Variants in EPYC observed in about 807,000 individuals in gnomAD.
EPYC encodes epiphycan.
Under a neutral mutation model 30.1 loss-of-function variants are expected in EPYC, and 28 were observed. That is an observed-to-expected ratio of 0.93 (90% CI 0.69 to 1.28). The LOEUF is 1.28. Among genes scored for constraint, EPYC ranks in the 50% most tolerant of loss-of-function variants. The pLI is 0.00. For synonymous variants in EPYC, 144 were observed against 141.4 expected (o/e 1.02, Z -0.13); for missense variants, 382 against 383.5 (o/e 1.00, Z 0.03).
At chr12:90,989,702 T>C (rs1417802866) in intron 2 of EPYC, among the ~76,000 whole-genome samples, 1 of 152,072 alleles carries the variant, frequency 6.6e-6, no homozygotes, top group African/African-American at 2.4e-5. Context: ...TAGTATTTTT[T>C]CTTTGCTCAC....
At position 90,972,972 on chromosome 12, in the gene EPYC, T is replaced by C. The variant is rs1164005107; in HGVS notation, c.349A>G (p.Thr117Ala). ...LGPHTNEDFP[T>A]CLLCTCISTT... ...CTTATACAAGTACACAAAAGACAGG[T>C]TGGAAAGTCTAAAAGATAAAGGAAA... The change falls in exon 4 of 7, where the codon ACC becomes GCC. Residue 117 changes from threonine to alanine, a missense_variant. Physicochemically the swap from Thr to Ala is moderately conservative, Grantham distance 58. Coordinates refer to ENST00000261172, the MANE Select transcript of EPYC (RefSeq NM_004950.5). The C allele has an allele frequency of 1.3e-6, 2 of 1,581,400 alleles. No individual in the cohort carries two copies. The highest frequency in any genetic ancestry group is 1.7e-6 in the Non-Finnish European group (2 of 1,162,590).
chr12:90,982,606 A>G (rs1461842437), intron 2 of EPYC, among the ~76,000 whole-genome samples: 1 of 151,974 alleles, frequency 6.6e-6, no homozygotes, highest in Non-Finnish European at 1.5e-5. Context: ...TTTAACTGTA[A>G]TTATGTATCT....
At chr12:90,968,073 T>A (rs1876945197) in intron 6 of EPYC, among the ~76,000 whole-genome samples, 1 of 152,166 alleles carries the variant, frequency 6.6e-6, no homozygotes, top group African/African-American at 2.4e-5. Flanking sequence ...TTGCCTCATG[T>A]ATTTTGGGCC....
At chr12:90,970,618 T>C (rs1288476597) in intron 5 of EPYC, among the ~76,000 whole-genome samples, 1 of 152,218 alleles carries the variant, frequency 6.6e-6, no homozygotes, top group Non-Finnish European at 1.5e-5. Flanking sequence ...AGACAATAGC[T>C]GTTCTACTCT....
Position 90,991,139 on chromosome 12 carries a change from T to C in EPYC, c.165+11262A>G, listed in dbSNP as rs200287595. Among the ~76,000 whole-genome samples the C allele has an allele frequency of 2.8e-4, 43 of 152,244 alleles. 1 individual carries two copies. The East Asian group carries it at 6.2e-3, about 22-fold the overall frequency. ...TTCTCAAACGTGCCAAGGAATGGAGTATATAATATATATTTGCATACATGC... is the reference window on the plus strand; with the variant it reads ...TTCTCAAACGTGCCAAGGAATGGAGCATATAATATATATTTGCATACATGC... On this transcript the variant is annotated intron_variant, in intron 2 of 6. Transcript: ENST00000261172.
rs909594138 is a variant in EPYC at position 90,964,236 on chromosome 12, C to T, written c.889G>A (p.Asp297Asn). The change falls in exon 7 of 7, where the codon GAT becomes AAT. Residue 297 changes from aspartate to asparagine, a missense_variant. Coordinates refer to ENST00000261172, the MANE Select transcript of EPYC (RefSeq NM_004950.5). ...TTGCTGAGATTAATAGGGTTTCCAT[C>T]CAATCGAATGTCCTCTAGTGCCTTA... Reference protein sequence around the residue: ...IRKALEDIRLDGNPINLSKTP... With the variant: ...IRKALEDIRLNGNPINLSKTP... 17 of 1,613,524 alleles carry T rather than the reference C, an allele frequency of 1.1e-5. No individual in the cohort carries two copies.
At chr12:90,995,625 G>A (rs1225584639) in intron 2 of EPYC, among the ~76,000 whole-genome samples, 2 of 151,718 alleles carry the variant, frequency 1.3e-5, no homozygotes, top group South Asian at 2.1e-4. Flanking sequence ...TCCAGGGTTA[G>A]TTATTTGAGT....
Position 90,964,070 on chromosome 12 carries a change from A to G in EPYC, c.*86T>C, listed in dbSNP as rs1424928839. 6.6e-6 allele frequency: 7 copies of G among 1,059,846 alleles called. No individual in the cohort carries two copies. The highest frequency in any genetic ancestry group is 9.6e-6 in the Non-Finnish European group (7 of 730,406). 65.7% of individuals were successfully genotyped at this position (1,059,846 alleles called of 1,614,324 possible). Reference sequence around the variant, plus strand: ...ATCATCTCTCAGAACACAATCTCAAAGTATCATGCTGAGTTTTGTTTTGGA... The same window carrying G: ...ATCATCTCTCAGAACACAATCTCAAGGTATCATGCTGAGTTTTGTTTTGGA... On this transcript the variant is annotated 3_prime_UTR_variant, in exon 7 of 7. Coordinates refer to ENST00000261172, the MANE Select transcript of EPYC (RefSeq NM_004950.5).
Position 91,002,571 on chromosome 12 carries a change from A to G in EPYC, c.-6T>C. ...AGTCCTGCTAATGTCTTCATTTTTC[A>G]AGCTTTCCTAATTATAAAATATTAA... On this transcript the variant is annotated 5_prime_UTR_variant, in exon 2 of 7. Transcript: ENST00000261172. 1 of 1,597,636 alleles carries G rather than the reference A, an allele frequency of 6.3e-7. No individual in the cohort carries two copies. Among genetic ancestry groups the G allele is most frequent in the South Asian group, 1.2e-5 (1 of 86,678 alleles).
intron 2 of EPYC, among the ~76,000 whole-genome samples, chr12:90,999,381 G>T (rs1877769698): frequency 6.6e-6 from 1 of 151,970 alleles, no homozygotes; most frequent in South Asian, 2.1e-4. Context: ...ATATGTTAAA[G>T]GCATTGTTCA....
chr12:90,980,829 C>T (rs1353618257), intron 2 of EPYC, among the ~76,000 whole-genome samples: 1 of 152,122 alleles, frequency 6.6e-6, no homozygotes, highest in Non-Finnish European at 1.5e-5. Flanking sequence ...TTTACTCTGA[C>T]TTGCTTCTTC....
rs183278446 is a variant in EPYC, at chr12:90,991,318, G to A, written c.165+11083C>T. Among the ~76,000 whole-genome samples, 448 of 152,238 alleles carry A rather than the reference G, an allele frequency of 2.9e-3. 3 individuals carry two copies. Among genetic ancestry groups the A allele is most frequent in the African/African-American group, 8.7e-3 (361 of 41,556 alleles). Reference sequence around the variant, plus strand: ...TGCCCTAGGAGTGAGAATGAGAAACGTGGAATTAGGGAAGATCCAATGAAA... The same window carrying A: ...TGCCCTAGGAGTGAGAATGAGAAACATGGAATTAGGGAAGATCCAATGAAA... On this transcript the variant is annotated intron_variant, in intron 2 of 6. Transcript: ENST00000261172.
At chr12:91,001,311 A>G (rs147891538) in intron 2 of EPYC, among the ~76,000 whole-genome samples, 139 of 152,230 alleles carry the variant, frequency 9.1e-4, no homozygotes, top group African/African-American at 3.1e-3. Flanking sequence ...TCATCTAAAT[A>G]TTTTCTATCC....
chr12:90,976,837 G>C (rs143717696), intron 3 of EPYC, among the ~76,000 whole-genome samples: 2 of 152,196 alleles, frequency 1.3e-5, no homozygotes, highest in East Asian at 3.9e-4. Context: ...AGTCTCATGA[G>C]ATCTGATGGT....
At position 90,971,886 on chromosome 12, in the gene EPYC, G is replaced by C. The variant is rs1331771577; in HGVS notation, c.616C>G (p.Leu206Val). 6.2e-7 allele frequency: 1 copy of C among 1,612,016 alleles called. No individual in the cohort carries two copies. Among genetic ancestry groups the C allele is most frequent in the Non-Finnish European group, 8.5e-7 (1 of 1,179,064 alleles). Residue 206 changes from leucine (L) to valine (V), a missense_variant, in exon 5 of 7, where the codon CTC (leucine) becomes GTC (valine). Leu to Val is a conservative substitution (Grantham distance 32). Transcript: ENST00000261172. ...GTCAAAGTGGTTGGCAATTCTGGGAGCTGCCTTATTTTGTTGTCACGCAGG... is the reference window on the plus strand; with the variant it reads ...GTCAAAGTGGTTGGCAATTCTGGGACCTGCCTTATTTTGTTGTCACGCAGG... ...LVLRDNKIRQLPELPTTLTFI... is the reference protein window; with the variant it reads ...LVLRDNKIRQVPELPTTLTFI...
chr12:90,983,478 T>C (rs1240743419), intron 2 of EPYC, among the ~76,000 whole-genome samples: 2 of 152,150 alleles, frequency 1.3e-5, no homozygotes, highest in African/African-American at 4.8e-5. Flanking sequence ...TTAACAACCC[T>C]GACTCTTCGG....
chr12:90,978,488 CTT>C (rs57122095), intron 2 of EPYC, among the ~76,000 whole-genome samples: 1 of 142,150 alleles, frequency 7.0e-6, no homozygotes, highest in Non-Finnish European at 1.5e-5. Flanking sequence ...TTTCCAATGC[CTT>C]TTTTTTTTTG....
chr12:90,984,472 AT>A (rs556544632), intron 2 of EPYC, among the ~76,000 whole-genome samples: 215 of 151,832 alleles, frequency 1.4e-3, no homozygotes, highest in African/African-American at 4.6e-3. Context: ...GATGTGGCTC[AT>A]TTTTTTTCTG....
At chr12:90,996,211 C>T (rs1053608489) in intron 2 of EPYC, among the ~76,000 whole-genome samples, 1 of 151,498 alleles carries the variant, frequency 6.6e-6, no homozygotes, top group Non-Finnish European at 1.5e-5. Flanking sequence ...AGTCCTATAC[C>T]GATTTATTAT....
Sources: allele counts gnomAD v4.1 joint callset (sites outside exome capture counted in the v4.1 genomes callset), GRCh38; gene constraint gnomAD v4.1.1; transcripts MANE v1.5; gene names NCBI Gene and HGNC (gene_info 2026-07-23, HGNC 2026-07-21).